The following CNTLN variants were observed in gnomAD, a reference collection of about 807,000 sequenced individuals.
The protein encoded by CNTLN is centlein.
CNTLN carries 212 observed loss-of-function variants against 180.0 expected under a neutral mutation model. The ratio of observed to expected loss-of-function variants is 1.18; its 90% CI spans 1.05 to 1.32. CNTLN has a LOEUF of 1.32. Among genes scored for constraint, CNTLN ranks in the 40% most tolerant of loss-of-function variants. CNTLN has a pLI of 0.00. For synonymous variants in CNTLN, 722 were observed against 563.1 expected, an observed-to-expected ratio of 1.28 and a Z score of -3.99; for missense variants, 2,095 against 1,610.9, an observed-to-expected ratio of 1.30 and a Z score of -5.14.
intron 2 of CNTLN, among the ~76,000 whole-genome samples, chr9:17,155,784 G>GA (rs905831769): frequency 9.6e-5 from 14 of 145,984 alleles, no homozygotes; most frequent in African/African-American, 1.0e-4. Context: ...GTAGGGTATG[G>GA]AAAAAAAAAA....
intron 2 of CNTLN, among the ~76,000 whole-genome samples, chr9:17,215,011 G>A (rs1823631524): frequency 1.3e-5 from 2 of 152,120 alleles, no homozygotes. Flanking sequence ...TCCTCCTTTA[G>A]CTGGGAGAAG....
intron 16 of CNTLN, among the ~76,000 whole-genome samples, chr9:17,409,976 A>T (rs1349277759): frequency 6.6e-6 from 1 of 152,136 alleles, no homozygotes; most frequent in South Asian, 2.1e-4. Flanking sequence ...TGAAAAATTA[A>T]GGAAAGTTCA....
chr9:17,457,659 CT>C lies in CNTLN; in HGVS notation c.3252del (p.Ser1085ValfsTer10). ...VTFPRIQVTS[L>X]SPSRSMDLEM... ...ATTTCCACGGATACAAGTTACATCA[CT>C]TAGTCCTTCAAGGAGCATGGATTTG... is the stretch of plus-strand genomic sequence containing the variant. On this transcript the variant is annotated frameshift_variant, in exon 19 of 26. Coordinates refer to ENST00000380647, the MANE Select transcript of CNTLN (RefSeq NM_017738.4). LOFTEE classifies it high-confidence loss of function. The C allele has an allele frequency of 6.5e-7, 1 of 1,538,284 alleles. No homozygotes were observed. The highest frequency in any genetic ancestry group is 8.8e-7 in the Non-Finnish European group (1 of 1,140,102).
At chr9:17,141,308 A>C (rs193256226) in intron 1 of CNTLN, among the ~76,000 whole-genome samples, 1 of 152,190 alleles carries the variant, frequency 6.6e-6, no homozygotes, top group African/African-American at 2.4e-5. Context: ...GTAACTGGAA[A>C]AGGGGTTGCT....
rs1331995573 is a variant in CNTLN, at chr9:17,259,239, G to A, written c.850-14494G>A. 8.0e-5 allele frequency among the ~76,000 whole-genome samples: 12 copies of A among 149,298 alleles called. 1 individual carries two copies. Among genetic ancestry groups the A allele is most frequent in the African/African-American group, 3.0e-4 (12 of 39,396 alleles). ...CTGCATCTATTGAGATAATCATGTG[G>A]TTTTTGTCTTTGGTTCTGTTTATAT... On this transcript the variant is annotated intron_variant, in intron 5 of 25. Transcript: ENST00000380647.
chr9:17,431,093 G>A (rs906654678), intron 18 of CNTLN, among the ~76,000 whole-genome samples: 14 of 152,014 alleles, frequency 9.2e-5, no homozygotes, highest in Admixed American at 6.5e-4. Flanking sequence ...GGATCATATG[G>A]TAGTTCTATT....
chr9:17,251,016 T>C (rs1343180297), intron 5 of CNTLN, among the ~76,000 whole-genome samples: 1 of 152,022 alleles, frequency 6.6e-6, no homozygotes, highest in Non-Finnish European at 1.5e-5. Flanking sequence ...TTTTGCTGGA[T>C]AGAAAATTCA....
downstream of CNTLN, among the ~76,000 whole-genome samples, chr9:17,508,790 A>G (rs1316201062): frequency 6.6e-6 from 1 of 152,216 alleles, no homozygotes; most frequent in Non-Finnish European, 1.5e-5. Context: ...ATATGGACAT[A>G]CCACAATTGG....
chr9:17,301,667 GT>G lies in CNTLN; in HGVS notation c.1146+3319del, dbSNP rs962544511. The G allele has an allele frequency of 3.1e-6, 3 of 966,582 alleles. No individual in the cohort carries two copies. The African/African-American group carries it at 5.3e-5, about 17-fold the overall frequency. 59.9% of individuals were successfully genotyped at this position (966,582 alleles called of 1,614,324 possible). On this transcript the variant is annotated intron_variant, in intron 7 of 25. Coordinates refer to ENST00000380647, the MANE Select transcript of CNTLN (RefSeq NM_017738.4). ...TTAGATGCTTGTAGTTGTTCATACA[GT>G]TTTCATTAGTATCCTCAACTAGACT... is the stretch of plus-strand genomic sequence containing the variant.
intron 5 of CNTLN, among the ~76,000 whole-genome samples, chr9:17,266,205 T>C (rs968032687): frequency 2.0e-5 from 3 of 152,154 alleles, no homozygotes; most frequent in Admixed American, 2.0e-4. Flanking sequence ...ACACACTGCT[T>C]TGAATGTGTT....
intron 23 of CNTLN, among the ~76,000 whole-genome samples, chr9:17,468,691 A>C (rs2134224692): frequency 6.6e-6 from 1 of 151,892 alleles, no homozygotes; most frequent in South Asian, 2.1e-4. Context: ...TGATTATCAT[A>C]TACTTGAAGT....
At chr9:17,295,963 C>T (rs1817875433) in intron 6 of CNTLN, among the ~76,000 whole-genome samples, 1 of 145,142 alleles carries the variant, frequency 6.9e-6, no homozygotes, top group African/African-American at 2.7e-5. Context: ...TCTCCCTACT[C>T]TTCAGTGAGA....
intron 13 of CNTLN, among the ~76,000 whole-genome samples, chr9:17,369,718 G>GGC (rs1293107457): frequency 6.6e-6 from 1 of 151,770 alleles, no homozygotes; most frequent in Admixed American, 6.6e-5. Flanking sequence ...CGGGTGTGGT[G>GGC]GCTCATGCCT....
At chr9:17,519,085 G>GTTATTTATTTATTTA in the CNTLN span, among the ~76,000 whole-genome samples, 2 of 151,126 alleles carry the variant, frequency 1.3e-5, no homozygotes, top group African/African-American at 4.9e-5. Context: ...ACCAGGCCTA[G>GTTATTTATTTATTTA]TTATTTATTT....
chr9:17,401,254 C>A (rs762345906), intron 15 of CNTLN, among the ~76,000 whole-genome samples: 1 of 152,264 alleles, frequency 6.6e-6, no homozygotes, highest in South Asian at 2.1e-4. Flanking sequence ...GATGACCAGA[C>A]TATATATACA....
intron 8 of CNTLN, among the ~76,000 whole-genome samples, chr9:17,329,297 T>A (rs1820495257): frequency 6.6e-6 from 1 of 152,038 alleles, no homozygotes; most frequent in South Asian, 2.1e-4. Flanking sequence ...AAAGGAAATA[T>A]TTCTAAACCT....
chr9:17,135,374 G>T lies in CNTLN; in HGVS notation c.309G>T (p.Gln103His), dbSNP rs372294919. The part of the protein sequence containing the change: ...SVEEAMVTRT[Q>H]LLEEELSSLK... ...AGGAGGCGATGGTGACCCGGACGCA[G>T]CTGCTGGAGGAAGAGCTGAGCAGCC... Residue 103 changes from glutamine (Q) to histidine (H), a missense_variant, in exon 1 of 26, where the codon CAG becomes CAT. Coordinates refer to ENST00000380647, the MANE Select transcript of CNTLN (RefSeq NM_017738.4). 38 of 1,599,450 alleles carry T rather than the reference G, an allele frequency of 2.4e-5. No homozygotes were observed. The Admixed American group carries it at 6.6e-4, about 28-fold the overall frequency.
At chr9:17,268,362 C>T (rs1313193924) in intron 5 of CNTLN, among the ~76,000 whole-genome samples, 2 of 152,102 alleles carry the variant, frequency 1.3e-5, no homozygotes, top group Admixed American at 6.6e-5. Flanking sequence ...ATATTGGTGA[C>T]CCGCAAATGC....
At chr9:17,234,482 A>G (rs1012330995) in intron 3 of CNTLN, among the ~76,000 whole-genome samples, 2 of 152,080 alleles carry the variant, frequency 1.3e-5, no homozygotes, top group Non-Finnish European at 2.9e-5. Context: ...AGAATATTGG[A>G]TATATTTTCA....
Sources: gnomAD v4.1 joint callset for allele counts (sites outside exome capture counted in the v4.1 genomes callset) on GRCh38, gnomAD v4.1.1 for gene constraint, MANE v1.5 for transcripts, NCBI Gene and HGNC (gene_info 2026-07-23, HGNC 2026-07-21) for gene names.